The following WWP2 variants were observed in gnomAD, a reference collection of about 807,000 sequenced individuals.
The protein encoded by WWP2 is WW domain containing E3 ubiquitin protein ligase 2.
In WWP2, 57 loss-of-function variants were observed where a neutral mutation model predicts 121.0. That is an observed-to-expected ratio of 0.47 (90% CI 0.38 to 0.59). WWP2 has a LOEUF of 0.59. Ranked by LOEUF, WWP2 falls within the 20% of genes least tolerant of loss-of-function variation. The pLI, the probability that WWP2 is intolerant of heterozygous loss-of-function variation, is 0.00. For synonymous variants in WWP2, 449 were observed against 441.3 expected (o/e 1.02, Z -0.22); for missense variants, 962 against 1,158.9 (o/e 0.83, Z 2.47).
At chr16:69,810,603 AT>A (rs1045052887) in intron 4 of WWP2, among the ~76,000 whole-genome samples, 2 of 145,150 alleles carry the variant, frequency 1.4e-5, no homozygotes, top group African/African-American at 2.6e-5. Context: ...AATTTTTTGT[AT>A]TTTTTTTTAG....
chr16:69,933,226 G>C (rs779219923), intron 16 of WWP2: 1 of 447,640 alleles, frequency 2.2e-6, no homozygotes, highest in East Asian at 6.9e-5. Context: ...AAACAGCCCA[G>C]CAGCTGGGGA....
intron 2 of WWP2, among the ~76,000 whole-genome samples, chr16:69,796,766 A>G (rs1416866458): frequency 2.6e-5 from 4 of 152,168 alleles, no homozygotes; most frequent in East Asian, 1.9e-4. Context: ...CCTCAGTACC[A>G]CAAACCTTTG....
At chr16:69,903,486 T>G (rs2058236532) in intron 8 of WWP2, among the ~76,000 whole-genome samples, 2 of 151,912 alleles carry the variant, frequency 1.3e-5, no homozygotes, top group South Asian at 4.2e-4. Flanking sequence ...AAAAGAAAAA[T>G]GGCCGGGCGC....
chr16:69,837,636 C>A, intron 4 of WWP2, among the ~76,000 whole-genome samples: 1 of 152,070 alleles, frequency 6.6e-6, no homozygotes, highest in Non-Finnish European at 1.5e-5. Context: ...CATTATCAGT[C>A]CTCCAGGAAG....
chr16:69,794,236 A>G (rs1253014613), intron 2 of WWP2, among the ~76,000 whole-genome samples: 1 of 151,944 alleles, frequency 6.6e-6, no homozygotes, highest in Non-Finnish European at 1.5e-5. Flanking sequence ...TTTAAGATTA[A>G]ACTATAGGCT....
In WWP2 at chr16:69,931,880, G is replaced by T; in HGVS notation, c.1672G>T (p.Gly558Cys). Reference protein sequence around the residue: ...MRGEEGLDYGGIAREWFFLLS... With the variant: ...MRGEEGLDYGCIAREWFFLLS... ...TGGCGAGGAGGGCCTGGACTATGGG[G>T]GCATCGCCAGGTGAGCTTGAGTGCC... The change falls in exon 16 of 24, where the codon GGC becomes TGC. Residue 558 changes from glycine to cysteine, a missense_variant. This residue lies in a region of WWP2 where 606 missense variants were observed against 772.6 expected (regional missense o/e 0.78). Coordinates refer to ENST00000359154, the MANE Select transcript of WWP2 (RefSeq NM_001270454.2). 6.2e-7 allele frequency: 1 copy of T among 1,613,104 alleles called. No homozygotes were observed. The highest frequency in any genetic ancestry group is 8.5e-7 in the Non-Finnish European group (1 of 1,179,852).
chr16:69,863,438 A>G (rs1187680140), intron 6 of WWP2, among the ~76,000 whole-genome samples: 1 of 152,044 alleles, frequency 6.6e-6, no homozygotes, highest in Non-Finnish European at 1.5e-5. Context: ...CAGGACTTCA[A>G]GACCAGCCTG....
chr16:69,908,021 G>A (rs1272557557), intron 8 of WWP2, among the ~76,000 whole-genome samples: 2 of 152,076 alleles, frequency 1.3e-5, no homozygotes, highest in Admixed American at 6.5e-5. Flanking sequence ...TGGGTGGGTC[G>A]CTTGAGCTCA....
chr16:69,771,668 C>G (rs1435365739), intron 1 of WWP2, among the ~76,000 whole-genome samples: 1 of 152,188 alleles, frequency 6.6e-6, no homozygotes, highest in Non-Finnish European at 1.5e-5. Flanking sequence ...ATCAGCTTGT[C>G]AATTGCTGAA....
At chr16:69,828,529 G>C (rs1410203772) in intron 4 of WWP2, among the ~76,000 whole-genome samples, 3 of 151,926 alleles carry the variant, frequency 2.0e-5, no homozygotes, top group African/African-American at 7.3e-5. Context: ...ACCACACCCC[G>C]CTAATTTTGT....
intron 4 of WWP2, among the ~76,000 whole-genome samples, chr16:69,835,762 C>T (rs756438564): frequency 6.6e-5 from 10 of 151,958 alleles, no homozygotes; most frequent in South Asian, 4.1e-4. Context: ...TCTACTCTTG[C>T]GTCTCCCAAG....
At chr16:69,820,362 C>G (rs2056570594) in intron 4 of WWP2, among the ~76,000 whole-genome samples, 1 of 152,302 alleles carries the variant, frequency 6.6e-6, no homozygotes, top group Middle Eastern at 3.4e-3. Flanking sequence ...CTGCCTCCGC[C>G]TCCTGAGTAG....
At chr16:69,920,942 C>T (rs1444402120) in intron 10 of WWP2, among the ~76,000 whole-genome samples, 2 of 150,918 alleles carry the variant, frequency 1.3e-5, no homozygotes, top group African/African-American at 5.0e-5. Flanking sequence ...TTGGAGTCTT[C>T]CTTCCTGCCT....
At position 69,939,072 on chromosome 16, in the gene WWP2, T is replaced by C; in HGVS notation, c.2389T>C (p.Phe797Leu). ...DNEKRIRLLQ[F>L]VTGTCRLPVG... ...CGAGAAGAGGATCCGGCTGCTGCAG[T>C]TTGTCACCGGTACCTGCCGCCTGCC... Residue 797 changes from phenylalanine to leucine, a missense_variant, in exon 22 of 24, where the codon TTT becomes CTT. Around this residue, in one of 3 missense-constraint regions of WWP2, gnomAD observed 606 missense variants for 772.6 expected, o/e 0.78. Coordinates refer to ENST00000359154, the MANE Select transcript of WWP2 (RefSeq NM_001270454.2). 6.2e-7 allele frequency: 1 copy of C among 1,607,530 alleles called. No individual in the cohort carries two copies.
chr16:69,891,305 A>C (rs1485041049), intron 8 of WWP2, among the ~76,000 whole-genome samples: 1 of 152,204 alleles, frequency 6.6e-6, no homozygotes, highest in Non-Finnish European at 1.5e-5. Context: ...GAGTCAGGGG[A>C]CCAATGAGAG....
At chr16:69,889,948 A>G (rs2057995535) in intron 8 of WWP2, among the ~76,000 whole-genome samples, 1 of 151,882 alleles carries the variant, frequency 6.6e-6, no homozygotes, top group South Asian at 2.1e-4. Flanking sequence ...TTATTAAGCC[A>G]CTTTCATTGT....
rs1240267622 is a variant in WWP2 at position 69,934,175 on chromosome 16, C to T, written c.1842+46C>T. On this transcript the variant is annotated intron_variant, in intron 17 of 23. Coordinates refer to ENST00000359154, the MANE Select transcript of WWP2 (RefSeq NM_001270454.2). ...TGCCTAGTTCCCTCCTCCTCTCCCTCCTCTTCCCTCTCCTGGTGAAGTGTG... is the reference window on the plus strand; with the variant it reads ...TGCCTAGTTCCCTCCTCCTCTCCCTTCTCTTCCCTCTCCTGGTGAAGTGTG... The T allele has an allele frequency of 2.5e-6, 4 of 1,602,740 alleles. No homozygotes were observed. The Admixed American group carries it at 6.7e-5, about 27-fold the overall frequency.
chr16:69,874,479 T>A (rs577122062), intron 7 of WWP2, among the ~76,000 whole-genome samples: 28 of 152,200 alleles, frequency 1.8e-4, no homozygotes, highest in Non-Finnish European at 4.0e-4. Flanking sequence ...CAGTTATGCA[T>A]GAAAAAGAAA....
chr16:69,924,508 C>G (rs771384183), intron 10 of WWP2, among the ~76,000 whole-genome samples: 39 of 152,226 alleles, frequency 2.6e-4, no homozygotes, highest in Admixed American at 1.3e-3. Flanking sequence ...GACAACACCC[C>G]CCTTCCCCGC....
Sources: allele counts gnomAD v4.1 joint callset (sites outside exome capture counted in the v4.1 genomes callset), GRCh38; gene constraint gnomAD v4.1.1; regional missense constraint gnomAD v4.1.1; transcripts MANE v1.5; gene names NCBI Gene and HGNC (gene_info 2026-07-23, HGNC 2026-07-21).